Variants in LRP1B observed in about 807,000 individuals in gnomAD.
LRP1B encodes the protein LDL receptor related protein 1B, also known as low-density lipoprotein receptor-related protein 1B.
A neutral mutation model predicts 556.6 loss-of-function variants in LRP1B; 217 were observed. The observed-to-expected ratio is 0.39, with a 90% CI of 0.35 to 0.44. The LOEUF (loss-of-function observed/expected upper bound fraction) is 0.44, where lower values mean the gene tolerates loss of function less well. Ranked by LOEUF, LRP1B falls within the 20% of genes least tolerant of loss-of-function variation. The probability of loss-of-function intolerance (pLI) is 1.00; values close to 1 mark genes in which losing one functional copy is unlikely to be tolerated. For synonymous variants in LRP1B, 2,047 were observed against 1,865.8 expected (o/e 1.10, Z -2.50); for missense variants, 5,053 against 5,620.8 (o/e 0.90, Z 3.23).
chr2:141,205,205 A>G (rs1378666870), intron 6 of LRP1B, among the ~76,000 whole-genome samples: 1 of 152,160 alleles, frequency 6.6e-6, no homozygotes, highest in Non-Finnish European at 1.5e-5. Flanking sequence ...ATCACCTCCC[A>G]TTATTTTCTA....
intron 3 of LRP1B, among the ~76,000 whole-genome samples, chr2:141,409,088 A>C (rs1480179488): frequency 6.6e-6 from 1 of 152,184 alleles, no homozygotes; most frequent in Non-Finnish European, 1.5e-5. Context: ...TAATTGCTCA[A>C]AGAAATAGTT....
chr2:141,167,738 C>T (rs548644795), intron 7 of LRP1B, among the ~76,000 whole-genome samples: 99 of 151,786 alleles, frequency 6.5e-4, no homozygotes, highest in Non-Finnish European at 1.2e-3. Context: ...GTCTCATATT[C>T]GAGAAGTAAA....
At chr2:140,879,589 A>C (rs983134712) in intron 25 of LRP1B, among the ~76,000 whole-genome samples, 1 of 152,150 alleles carries the variant, frequency 6.6e-6, no homozygotes, top group African/African-American at 2.4e-5. Flanking sequence ...ATCGTTTCAT[A>C]ACATTCTAGG....
intron 3 of LRP1B, among the ~76,000 whole-genome samples, chr2:141,343,248 G>C (rs1688133846): frequency 6.6e-6 from 1 of 152,080 alleles, no homozygotes; most frequent in Non-Finnish European, 1.5e-5. Context: ...GTTCTATTTA[G>C]GTCTTTGCAT....
chr2:142,003,487 G>A (rs565495890), intron 1 of LRP1B, among the ~76,000 whole-genome samples: 50 of 152,288 alleles, frequency 3.3e-4, no homozygotes, highest in African/African-American at 1.2e-3. Flanking sequence ...GACTTAAGAT[G>A]CAGCTGTTAT....
chr2:140,436,497 G>A (rs1686185448), intron 66 of LRP1B, among the ~76,000 whole-genome samples: 1 of 151,936 alleles, frequency 6.6e-6, no homozygotes, highest in African/African-American at 2.4e-5. Flanking sequence ...GTCATTAACT[G>A]TTATTTTACA....
At chr2:140,816,265 G>A (rs1200310757) in intron 31 of LRP1B, among the ~76,000 whole-genome samples, 3 of 151,730 alleles carry the variant, frequency 2.0e-5, no homozygotes, top group Non-Finnish European at 4.4e-5. Context: ...CTATAGGCAC[G>A]TGCCACCACA....
At chr2:140,753,085 C>T (rs974956358) in intron 35 of LRP1B, among the ~76,000 whole-genome samples, 1 of 152,126 alleles carries the variant, frequency 6.6e-6, no homozygotes, top group East Asian at 1.9e-4. Flanking sequence ...TTACTGTCTC[C>T]ATAGTTTTAC....
At chr2:141,548,805 A>T (rs1354313013) in intron 2 of LRP1B, among the ~76,000 whole-genome samples, 1 of 152,190 alleles carries the variant, frequency 6.6e-6, no homozygotes, top group East Asian at 1.9e-4. Flanking sequence ...TCCAGTATTT[A>T]TGTGGTTGCT....
At chr2:140,702,926 C>T (rs1185503582) in intron 37 of LRP1B, among the ~76,000 whole-genome samples, 4 of 152,064 alleles carry the variant, frequency 2.6e-5, no homozygotes, top group Non-Finnish European at 5.9e-5. Context: ...CTTCACAACA[C>T]AGATTAGAAT....
chr2:141,473,201 A>T (rs1396137004), intron 3 of LRP1B, among the ~76,000 whole-genome samples: 1 of 152,248 alleles, frequency 6.6e-6, no homozygotes, highest in Non-Finnish European at 1.5e-5. Flanking sequence ...CAGAATTTAT[A>T]AAACTAAGTC....
chr2:140,502,263 G>T (rs1689233030), intron 54 of LRP1B, among the ~76,000 whole-genome samples: 1 of 151,966 alleles, frequency 6.6e-6, no homozygotes, highest in African/African-American at 2.4e-5. Context: ...TAAGAATCTA[G>T]AATAGGTAGA....
intron 1 of LRP1B, among the ~76,000 whole-genome samples, chr2:142,082,361 T>C (rs1705750486): frequency 6.6e-6 from 1 of 152,156 alleles, no homozygotes; most frequent in African/African-American, 2.4e-5. Flanking sequence ...GGAAGGTAAC[T>C]ATTAGAAAAG....
chr2:140,474,801 AG>A (rs1687902028), intron 60 of LRP1B, among the ~76,000 whole-genome samples: 1 of 151,916 alleles, frequency 6.6e-6, no homozygotes, highest in Admixed American at 6.6e-5. Flanking sequence ...AGCAGTTTGC[AG>A]TAATAGCCTC....
chr2:142,024,924 A>G, intron 1 of LRP1B, among the ~76,000 whole-genome samples: 1 of 152,022 alleles, frequency 6.6e-6, no homozygotes, highest in South Asian at 2.1e-4. Context: ...AAGAGAATAC[A>G]AATAAATAGT....
chr2:141,330,577 T>A (rs147424235), intron 3 of LRP1B, among the ~76,000 whole-genome samples: 1 of 152,162 alleles, frequency 6.6e-6, no homozygotes, highest in African/African-American at 2.4e-5. Context: ...AGATAACATA[T>A]TTTTGAAAGC....
intron 3 of LRP1B, among the ~76,000 whole-genome samples, chr2:141,368,543 T>C (rs528680185): frequency 6.6e-6 from 1 of 152,328 alleles, no homozygotes; most frequent in East Asian, 1.9e-4. Context: ...TTGTATAATA[T>C]AGTATTCTGA....
At chr2:141,388,290 G>C (rs1459858156) in intron 3 of LRP1B, among the ~76,000 whole-genome samples, 4 of 152,026 alleles carry the variant, frequency 2.6e-5, no homozygotes, top group Admixed American at 2.6e-4. Flanking sequence ...ACAAATATTA[G>C]CTGGGTATGG....
intron 6 of LRP1B, among the ~76,000 whole-genome samples, chr2:141,212,270 T>G (rs1682593404): frequency 1.5e-5 from 1 of 68,596 alleles, no homozygotes; most frequent in African/African-American, 5.6e-5. Context: ...TTTTTTTTTT[T>G]TTTTTTTTTT....
Sources: gnomAD v4.1 joint callset for allele counts (sites outside exome capture counted in the v4.1 genomes callset) on GRCh38, gnomAD v4.1.1 for gene constraint, MANE v1.5 for transcripts, NCBI Gene and HGNC (gene_info 2026-07-23, HGNC 2026-07-21) for gene names.